DPYSL5: variants seen among roughly 807,000 people sequenced by gnomAD.
DPYSL5 encodes the protein dihydropyrimidinase-related protein 5.
In DPYSL5, 9 loss-of-function variants were observed where a neutral mutation model predicts 58.4. The observed-to-expected ratio is 0.15, with a 90% CI of 0.09 to 0.27. The LOEUF is 0.27. DPYSL5 is among the 10% of genes least tolerant of loss of function. DPYSL5 has a pLI of 1.00. For synonymous variants in DPYSL5, 293 were observed against 301.9 expected (o/e 0.97, Z 0.31); for missense variants, 499 against 770.6 (o/e 0.65, Z 4.17).
At chr2:26,893,934 A>G (rs1402757608) in intron 1 of DPYSL5, among the ~76,000 whole-genome samples, 1 of 151,960 alleles carries the variant, frequency 6.6e-6, no homozygotes, top group Admixed American at 6.6e-5. Flanking sequence ...TTTGTCCTAT[A>G]TTTTCTAAGC....
intron 3 of DPYSL5, among the ~76,000 whole-genome samples, chr2:26,926,357 C>G (rs145353598): frequency 9.3e-4 from 141 of 152,344 alleles, no homozygotes; most frequent in African/African-American, 3.2e-3. Context: ...CCACTCTCTA[C>G]TTCCCCTGGA....
intron 2 of DPYSL5, among the ~76,000 whole-genome samples, chr2:26,903,740 C>T (rs1664218719): frequency 6.6e-6 from 1 of 152,112 alleles, no homozygotes; most frequent in Admixed American, 6.5e-5. Context: ...TTATTTGCTT[C>T]TTTCTATTCA....
chr2:26,858,735 ATTT>A (rs761364725), intron 1 of DPYSL5, among the ~76,000 whole-genome samples: 1 of 104,698 alleles, frequency 9.6e-6, no homozygotes, highest in South Asian at 2.9e-4. Flanking sequence ...ACACCCAGCT[ATTT>A]TTTTTTTTTT....
chr2:26,936,779 C>G (rs1166973993), intron 8 of DPYSL5, among the ~76,000 whole-genome samples: 1 of 151,108 alleles, frequency 6.6e-6, no homozygotes, highest in African/African-American at 2.4e-5. Flanking sequence ...AATCCTGTCT[C>G]TACTAAAAAT....
intron 1 of DPYSL5, among the ~76,000 whole-genome samples, chr2:26,871,328 T>C (rs1663257608): frequency 6.6e-6 from 1 of 152,232 alleles, no homozygotes; most frequent in Admixed American, 6.5e-5. Context: ...GTTTACCTAA[T>C]ATTTTTCTTT....
chr2:26,933,235 T>C lies in DPYSL5; in HGVS notation c.715-23T>C, dbSNP rs758011185. On this transcript the variant is annotated intron_variant, in intron 6 of 12. Transcript: ENST00000288699. This position sits in a 1 kb window ranked among gnomAD's most constrained non-coding sequence, Gnocchi z 4.2. Reference sequence around the variant, plus strand: ...AAGTTTATGGGTCAACCCTCCCTACTTCCCACTGTTTCTTGTGTTTAGACT... The same window carrying C: ...AAGTTTATGGGTCAACCCTCCCTACCTCCCACTGTTTCTTGTGTTTAGACT... 1.4e-5 allele frequency: 22 copies of C among 1,611,950 alleles called. No homozygotes were observed. Among genetic ancestry groups the C allele is most frequent in the Non-Finnish European group, 1.5e-5 (18 of 1,178,080 alleles).
chr2:26,917,216 A>G (rs1323553905), intron 2 of DPYSL5, among the ~76,000 whole-genome samples: 1 of 152,236 alleles, frequency 6.6e-6, no homozygotes, highest in Admixed American at 6.5e-5. Flanking sequence ...AGGATACTAT[A>G]GTGAGAGCAA....
At chr2:26,853,060 C>G (rs1192188747) in intron 1 of DPYSL5, among the ~76,000 whole-genome samples, 1 of 152,132 alleles carries the variant, frequency 6.6e-6, no homozygotes, top group Non-Finnish European at 1.5e-5. Context: ...TCTAAAACTC[C>G]CACCCTTGCA....
In DPYSL5 at chr2:26,942,790, C is replaced by T. The variant is rs1665359386; in HGVS notation, c.1440+40C>T. 1 of 1,599,148 alleles carries T rather than the reference C, an allele frequency of 6.3e-7. No individual in the cohort carries two copies. Among genetic ancestry groups the T allele is most frequent in the East Asian group, 2.2e-5 (1 of 44,574 alleles). ...GGAAGATGCAGGGGTGTTGGCGCCC[C>T]CTGCCGGGGAACATCCTCCATGACT... On this transcript the variant is annotated intron_variant, in intron 11 of 12. Coordinates refer to ENST00000288699, the MANE Select transcript of DPYSL5 (RefSeq NM_020134.4). This position sits in a 1 kb window ranked among gnomAD's most constrained non-coding sequence, Gnocchi z 5.9.
chr2:26,857,571 G>A (rs1345327080), intron 1 of DPYSL5, among the ~76,000 whole-genome samples: 1 of 151,672 alleles, frequency 6.6e-6, no homozygotes, highest in Admixed American at 6.6e-5. Flanking sequence ...TCCCACAAAA[G>A]TGTCAGCTTG....
At chr2:26,868,210 T>C (rs1663162606) in intron 1 of DPYSL5, among the ~76,000 whole-genome samples, 2 of 152,254 alleles carry the variant, frequency 1.3e-5, no homozygotes, top group Admixed American at 1.3e-4. Flanking sequence ...TTTGTCTTTT[T>C]CCAATCAATA....
At chr2:26,897,412 T>TA (rs1333035973) in intron 1 of DPYSL5, among the ~76,000 whole-genome samples, 1 of 152,228 alleles carries the variant, frequency 6.6e-6, no homozygotes, top group East Asian at 1.9e-4. Context: ...CATCAGTTGA[T>TA]ACGATTTTAT....
intron 2 of DPYSL5, among the ~76,000 whole-genome samples, chr2:26,912,920 G>C (rs904416517): frequency 6.6e-6 from 1 of 152,124 alleles, no homozygotes; most frequent in Non-Finnish European, 1.5e-5. Flanking sequence ...CTTGGAGCTG[G>C]GGAGCCCCTC....
chr2:26,885,890 C>T (rs1267666368), intron 1 of DPYSL5, among the ~76,000 whole-genome samples: 1 of 152,204 alleles, frequency 6.6e-6, no homozygotes, highest in Non-Finnish European at 1.5e-5. Context: ...TAATCCAAAT[C>T]AGGACCACCT....
At position 26,942,000 on chromosome 2, in the gene DPYSL5, C is replaced by A. The variant is rs759458186; in HGVS notation, c.1140C>A (p.Asn380Lys). 6.2e-7 allele frequency: 1 copy of A among 1,614,172 alleles called. No homozygotes were observed. The highest frequency in any genetic ancestry group is 8.5e-7 in the Non-Finnish European group (1 of 1,180,046). ...GTTTTGTGGCCGTTACCAGTTCCAA[C>A]GCAGCTAAGCTTCTGAACCTGTATC... Reference protein sequence around the residue: ...ENRFVAVTSSNAAKLLNLYPR... With the variant: ...ENRFVAVTSSKAAKLLNLYPR... Residue 380 changes from asparagine (N) to lysine (K), a missense_variant, in exon 10 of 13, where the codon AAC (asparagine) becomes AAA (lysine). Asn to Lys is a moderately conservative substitution (Grantham distance 94). This residue lies in a region of DPYSL5 where 404 missense variants were observed against 647.6 expected (regional missense o/e 0.62). Coordinates refer to ENST00000288699, the MANE Select transcript of DPYSL5 (RefSeq NM_020134.4).
At chr2:26,922,365 C>T (rs2148156081) in intron 2 of DPYSL5, among the ~76,000 whole-genome samples, 1 of 152,330 alleles carries the variant, frequency 6.6e-6, no homozygotes, top group South Asian at 2.1e-4. Flanking sequence ...TTTTAAGGAA[C>T]TTGAGGATTC....
chr2:26,858,204 C>G (rs1178151127), intron 1 of DPYSL5, among the ~76,000 whole-genome samples: 1 of 136,684 alleles, frequency 7.3e-6, no homozygotes, highest in African/African-American at 2.8e-5. Flanking sequence ...CGGAGTCTCT[C>G]TCTGTCACCC....
chr2:26,928,176 C>T, intron 4 of DPYSL5, 79 bp from the exon 5 acceptor site: 2 of 1,426,246 alleles, frequency 1.4e-6, no homozygotes, highest in Admixed American at 1.8e-5. Flanking sequence ...TAGCATATTT[C>T]ACTGTCCCTT....
chr2:26,933,408 C>A lies in DPYSL5; in HGVS notation c.790+75C>A. 1 of 1,412,714 alleles carries A rather than the reference C, an allele frequency of 7.1e-7. No individual in the cohort carries two copies. The highest frequency in any genetic ancestry group is 1.0e-6 in the Non-Finnish European group (1 of 1,004,982). The allele number at this position is 1,412,714 out of a possible 1,614,324, so 87.5% of individuals were successfully genotyped here. A position where few individuals can be genotyped will look rare whatever the true frequency, so the allele number is the denominator to read the frequency against. On this transcript the variant is annotated intron_variant, in intron 7 of 12. Coordinates refer to ENST00000288699, the MANE Select transcript of DPYSL5 (RefSeq NM_020134.4). This position sits in a 1 kb window ranked among gnomAD's most constrained non-coding sequence, Gnocchi z 4.2. ...AGATGGATGGGGCCCATTAGCCGTGCTCACTCCTGGCCCCGGCTCCTGAAA... is the reference window on the plus strand; with the variant it reads ...AGATGGATGGGGCCCATTAGCCGTGATCACTCCTGGCCCCGGCTCCTGAAA...
Sources: gnomAD v4.1 joint callset for allele counts (sites outside exome capture counted in the v4.1 genomes callset) on GRCh38, gnomAD v4.1.1 for gene constraint, gnomAD v4.1.1 regional missense constraint, Gnocchi (gnomAD v3.1) non-coding constraint, MANE v1.5 for transcripts, NCBI Gene and HGNC (gene_info 2026-07-23, HGNC 2026-07-21) for gene names.